ZBBX: variants seen among roughly 807,000 people sequenced by gnomAD.
ZBBX encodes zinc finger B-box domain-containing protein 1.
ZBBX carries 101 observed loss-of-function variants against 108.5 expected under a neutral mutation model. The observed-to-expected ratio is 0.93, with a 90% CI of 0.79 to 1.10. The LOEUF is 1.10. Among genes scored for constraint, ZBBX ranks in the 50% least tolerant of loss-of-function variants. The probability of loss-of-function intolerance (pLI) is 0.00; values close to 1 mark genes in which losing one functional copy is unlikely to be tolerated. For missense variants in ZBBX, 1,009 were observed against 941.4 expected (o/e 1.07, Z -0.94); for synonymous variants, 356 against 323.4 (o/e 1.10, Z -1.08).
intron 20 of ZBBX, among the ~76,000 whole-genome samples, chr3:167,257,458 TTA>T (rs1723723994): frequency 6.6e-6 from 1 of 152,108 alleles, no homozygotes; most frequent in Admixed American, 6.6e-5. Flanking sequence ...AACAGCATAG[TTA>T]TGTTTCAGGT....
At chr3:167,388,852 T>C (rs1748001614) in intron 1 of ZBBX, among the ~76,000 whole-genome samples, 1 of 152,056 alleles carries the variant, frequency 6.6e-6, no homozygotes, top group Admixed American at 6.6e-5. Flanking sequence ...GTTTGTTTAT[T>C]TAATAATTAA....
intron 1 of ZBBX, among the ~76,000 whole-genome samples, chr3:167,407,612 C>CA (rs1218646661): frequency 1.3e-5 from 2 of 151,656 alleles, no homozygotes; most frequent in African/African-American, 4.8e-5. Flanking sequence ...TTCTTACCCA[C>CA]AAAAAAGTTA....
At chr3:167,334,121 T>C in intron 9 of ZBBX, 136 bp from the exon 10 acceptor site, 1 of 661,742 alleles carries the variant, frequency 1.5e-6, no homozygotes, top group Non-Finnish European at 2.3e-6. Context: ...AAAGACAAAT[T>C]GGCATTTGTA....
chr3:167,192,669 C>A, the ZBBX span, among the ~76,000 whole-genome samples: 1 of 152,032 alleles, frequency 6.6e-6, no homozygotes, highest in African/African-American at 2.4e-5. Context: ...CCTTTTCATT[C>A]TTTTTTCCCT....
the ZBBX span, among the ~76,000 whole-genome samples, chr3:167,222,591 C>T: frequency 4.0e-5 from 6 of 150,986 alleles, no homozygotes; most frequent in East Asian, 1.9e-4. Flanking sequence ...TTTGTAACAC[C>T]GAGGAAGAAG....
the ZBBX span, among the ~76,000 whole-genome samples, chr3:167,220,624 G>T: frequency 6.6e-6 from 1 of 151,834 alleles, no homozygotes; most frequent in Non-Finnish European, 1.5e-5. Flanking sequence ...CTCACAGCTG[G>T]TATCTATACT....
chr3:167,306,553 T>C (rs1376190803), intron 16 of ZBBX, among the ~76,000 whole-genome samples: 1 of 152,144 alleles, frequency 6.6e-6, no homozygotes, highest in Admixed American at 6.6e-5. Context: ...GGTTGCACAG[T>C]AGAATCATCT....
At chr3:167,199,106 G>A in the ZBBX span, among the ~76,000 whole-genome samples, 1 of 152,168 alleles carries the variant, frequency 6.6e-6, no homozygotes, top group Admixed American at 6.5e-5. Flanking sequence ...ATGGGGAAGT[G>A]AGATAGAGAA....
At chr3:167,356,935 T>A (rs1231746397) in intron 8 of ZBBX, among the ~76,000 whole-genome samples, 1 of 152,264 alleles carries the variant, frequency 6.6e-6, no homozygotes, top group East Asian at 1.9e-4. Context: ...TTTACTGATA[T>A]GAGGAAACTG....
intron 20 of ZBBX, among the ~76,000 whole-genome samples, chr3:167,256,155 T>C (rs1201499365): frequency 6.6e-6 from 1 of 152,188 alleles, no homozygotes; most frequent in Non-Finnish European, 1.5e-5. Flanking sequence ...CTTTTATGAT[T>C]GAATAATACT....
the ZBBX span, among the ~76,000 whole-genome samples, chr3:167,234,670 T>C: frequency 4.6e-5 from 7 of 151,888 alleles, no homozygotes; most frequent in African/African-American, 1.7e-4. Context: ...TGGAAACAAG[T>C]AGCTATTGAT....
At chr3:167,306,700 A>C (rs1733709960) in intron 16 of ZBBX, among the ~76,000 whole-genome samples, 1 of 152,200 alleles carries the variant, frequency 6.6e-6, no homozygotes, top group South Asian at 2.1e-4. Flanking sequence ...TGGGTAACAC[A>C]GTAGTGAAAC....
In ZBBX at chr3:167,370,588, T is replaced by A. The variant is rs555544453; in HGVS notation, c.69-2014A>T. On this transcript the variant is annotated intron_variant, in intron 4 of 21. Transcript: ENST00000675490. The stretch of plus-strand genomic sequence containing the variant: ...AGTCCCACTGTGGTAGAGGAAAAGG[T>A]TAAGGCTGTAGAAAAAGAGTGGCCT... 8.0e-4 allele frequency among the ~76,000 whole-genome samples: 121 copies of A among 152,198 alleles called. 4 individuals carry two copies. In the South Asian group the frequency reaches 0.023, roughly 29 times the overall value.
chr3:167,360,716 G>A lies in ZBBX; in HGVS notation c.281C>T (p.Ala94Val). 1 of 1,387,388 alleles carries A rather than the reference G, an allele frequency of 7.2e-7. No individual in the cohort carries two copies. The highest frequency in any genetic ancestry group is 1.9e-4 in the Middle Eastern group (1 of 5,274). The allele number at this position is 1,387,388 out of a possible 1,614,324, so 85.9% of individuals were successfully genotyped here. Reference sequence around the variant, plus strand: ...CAGCAATTTTAATTTCACTTTTCCAGCAGAAAACTGTATTAATAAAATAGA... The same window carrying A: ...CAGCAATTTTAATTTCACTTTTCCAACAGAAAACTGTATTAATAAAATAGA... ...QNKGNVVKFS[A>V]GKVKLKLLKE... Residue 94 changes from alanine to valine, a missense_variant, in exon 7 of 22, where the codon GCT (alanine) becomes GTT (valine). By Grantham distance (64) the Ala-to-Val change is moderately conservative. Coordinates refer to ENST00000675490, the MANE Select transcript of ZBBX (RefSeq NM_001199201.2).
In ZBBX at chr3:167,397,282, GT is replaced by G. The variant is rs531266212; in HGVS notation, c.-446+10443del. 8.8e-4 allele frequency among the ~76,000 whole-genome samples: 132 copies of G among 149,918 alleles called. 1 individual carries two copies. Among genetic ancestry groups the G allele is most frequent in the Non-Finnish European group, 1.3e-3 (87 of 67,584 alleles). On this transcript the variant is annotated intron_variant, in intron 1 of 21. Transcript: ENST00000455345. ...GCCATCAATTGACTTGCTACGTTTT[GT>G]TTGAATGAAGAACCCCACCCTGAGT...
At chr3:167,178,974 T>C in the ZBBX span, among the ~76,000 whole-genome samples, 1 of 152,116 alleles carries the variant, frequency 6.6e-6, no homozygotes, top group Admixed American at 6.5e-5. Context: ...ATATCAGTAA[T>C]GTGTTTAATA....
the ZBBX span, among the ~76,000 whole-genome samples, chr3:167,228,138 T>G: frequency 6.6e-6 from 1 of 151,776 alleles, no homozygotes; most frequent in Non-Finnish European, 1.5e-5. Context: ...ACTTAAAAAT[T>G]CTTTCATTTG....
the ZBBX span, among the ~76,000 whole-genome samples, chr3:167,180,333 C>G: frequency 6.6e-6 from 1 of 152,150 alleles, no homozygotes; most frequent in Non-Finnish European, 1.5e-5. Context: ...CAGGTCGTAT[C>G]CAATTGATGT....
At chr3:167,308,759 G>C (rs1467670698) in intron 16 of ZBBX, among the ~76,000 whole-genome samples, 1 of 152,098 alleles carries the variant, frequency 6.6e-6, no homozygotes, top group Non-Finnish European at 1.5e-5. Context: ...GAGAACACAT[G>C]GACACTTTAG....
Sources: allele counts gnomAD v4.1 joint callset (sites outside exome capture counted in the v4.1 genomes callset), GRCh38; gene constraint gnomAD v4.1.1; transcripts MANE v1.5; gene names NCBI Gene and HGNC (gene_info 2026-07-23, HGNC 2026-07-21).